Variants in GSDME observed in about 807,000 individuals in gnomAD.
GSDME encodes the protein gasdermin-E.
A neutral mutation model predicts 47.5 loss-of-function variants in GSDME; 44 were observed. The ratio of observed to expected loss-of-function variants is 0.93; its 90% CI spans 0.73 to 1.19. The LOEUF is 1.19. GSDME is among the 50% of genes most tolerant of loss of function. GSDME has a pLI of 0.00. For synonymous variants in GSDME, 258 were observed against 252.8 expected (o/e 1.02, Z -0.20); for missense variants, 663 against 604.2 (o/e 1.10, Z -1.02).
upstream of GSDME, among the ~76,000 whole-genome samples, chr7:24,762,462 T>G (rs887125036): frequency 2.6e-5 from 4 of 152,170 alleles, no homozygotes; most frequent in East Asian, 1.9e-4. Context: ...TTTTTTCATC[T>G]GATTATCGTT....
At chr7:24,717,029 G>A (rs1021121106) in intron 5 of GSDME, 2 of 570,522 alleles carry the variant, frequency 3.5e-6, no homozygotes, top group Admixed American at 5.9e-5. Context: ...CACCAATGTT[G>A]GAGGAGAGGG....
the GSDME span, among the ~76,000 whole-genome samples, chr7:24,793,062 A>C: frequency 6.6e-6 from 1 of 152,216 alleles, no homozygotes. Context: ...TAGACCAAAG[A>C]AAGCCAAACA....
At chr7:24,704,394 A>C (rs919601991) in intron 8 of GSDME, 12 of 152,214 alleles carry the variant, frequency 7.9e-5, no homozygotes, top group Admixed American at 2.0e-4. Flanking sequence ...GTGAGGACCT[A>C]CGAAGACCCC....
Position 24,706,014 on chromosome 7 carries a change from G to T in GSDME, c.1183+170C>A, listed in dbSNP as rs564225443. ...GAAAGGCACAGACTCGAGACCGAAG[G>T]GGGGTTTCCCATCAGCCTCCCACCT... On this transcript the variant is annotated intron_variant, in intron 8 of 9. Coordinates refer to ENST00000645220, the MANE Select transcript of GSDME (RefSeq NM_001127453.2). 45,349 of 803,322 alleles carry T rather than the reference G, an allele frequency of 0.056. 1,661 individuals carry two copies. The highest frequency in any genetic ancestry group is 0.12 in the African/African-American group (7,138 of 59,078). The allele number at this position is 803,322 out of a possible 1,614,324, so 49.8% of individuals were successfully genotyped here. A position where few individuals can be genotyped will look rare whatever the true frequency, so the allele number is the denominator to read the frequency against.
At chr7:24,777,948 A>G in the GSDME span, among the ~76,000 whole-genome samples, 1 of 152,092 alleles carries the variant, frequency 6.6e-6, no homozygotes, top group Non-Finnish European at 1.5e-5. Flanking sequence ...TATGTGATTT[A>G]AAAAAGAAAA....
chr7:24,783,155 A>G, the GSDME span, among the ~76,000 whole-genome samples: 3 of 152,196 alleles, frequency 2.0e-5, no homozygotes, highest in Non-Finnish European at 4.4e-5. Context: ...ACAGTGTCTT[A>G]ATATTTTTTA....
rs1789110204 is a variant in GSDME at position 24,706,448 on chromosome 7, C to T, written c.991-72G>A. On this transcript the variant is annotated intron_variant, in intron 7 of 9. Transcript: ENST00000645220. ...GCGCCACAGCTGGGGCCTCCGCTCA[C>T]AGTACACACAAGCCCCAGCCCTTCC... is the stretch of plus-strand genomic sequence containing the variant. 4.1e-6 allele frequency: 6 copies of T among 1,464,610 alleles called. No homozygotes were observed. In the South Asian group the frequency reaches 6.0e-5, roughly 15 times the overall value. The allele number at this position is 1,464,610 out of a possible 1,614,324, so 90.7% of individuals were successfully genotyped here. A position where few individuals can be genotyped will look rare whatever the true frequency, so the allele number is the denominator to read the frequency against.
rs1491331096 is a variant in GSDME at position 24,706,405 on chromosome 7, GAC to G, written c.991-31_991-30del. The stretch of plus-strand genomic sequence containing the variant: ...TAGGGCAGGGAAGAAGAAGGGTCAT[GAC>G]ACAGCTGGAGACCAAGCGCCACAGC... On this transcript the variant is annotated intron_variant, in intron 7 of 9. Transcript: ENST00000645220. 2.5e-6 allele frequency: 4 copies of G among 1,603,428 alleles called. No individual in the cohort carries two copies. The African/African-American group carries it at 5.4e-5, about 21-fold the overall frequency.
rs541101023 is a variant in GSDME, at chr7:24,712,615, G to A, written c.698-2227C>T. On this transcript the variant is annotated intron_variant, in intron 5 of 9. Transcript: ENST00000645220. The surrounding 1 kb of genome is among the most constrained non-coding windows in gnomAD (Gnocchi z 4.4). ...GATGAGTGTGGTAAGAGTGGGGACAGCGGTTGAACAGGGCTGAGGCCAGAG... is the reference window on the plus strand; with the variant it reads ...GATGAGTGTGGTAAGAGTGGGGACAACGGTTGAACAGGGCTGAGGCCAGAG... Among the ~76,000 whole-genome samples the A allele has an allele frequency of 3.9e-5, 6 of 152,354 alleles. No individual in the cohort carries two copies. In the South Asian group the frequency reaches 1.0e-3, roughly 26 times the overall value.
chr7:24,792,550 T>G, the GSDME span, among the ~76,000 whole-genome samples: 1 of 152,338 alleles, frequency 6.6e-6, no homozygotes, highest in South Asian at 2.1e-4. Context: ...GAAATTGACT[T>G]GGTTATGTTA....
At position 24,726,066 on chromosome 7, in the gene GSDME, C is replaced by T. The variant is rs1789956673; in HGVS notation, c.405-6848G>A. On this transcript the variant is annotated intron_variant, in intron 3 of 9. Transcript: ENST00000645220. This position sits in a 1 kb window ranked among gnomAD's most constrained non-coding sequence, Gnocchi z 5.6. ...GAGATGGAGGGAGGGAAGCGTGGCT[C>T]AGAGCCCAGCGTGGTTGCTGGGGAC... Among the ~76,000 whole-genome samples, 1 of 152,118 alleles carries T rather than the reference C, an allele frequency of 6.6e-6. No homozygotes were observed. Among genetic ancestry groups the T allele is most frequent in the Admixed American group, 6.5e-5 (1 of 15,286 alleles).
At chr7:24,781,082 G>A in the GSDME span, among the ~76,000 whole-genome samples, 13 of 152,148 alleles carry the variant, frequency 8.5e-5, no homozygotes, top group East Asian at 3.8e-4. Flanking sequence ...CATGAAAAGC[G>A]CATCTTTCTC....
At chr7:24,757,637 ACT>A (rs1791087464), upstream of GSDME, 2 of 151,814 alleles carry the variant, frequency 1.3e-5, no homozygotes, top group African/African-American at 4.8e-5. This position sits in a 1 kb window ranked among gnomAD's most constrained non-coding sequence, Gnocchi z 5.9. Flanking sequence ...CCTTCGTGTG[ACT>A]CTCTGGGAGC....
At chr7:24,707,612 T>C (rs990223020) in intron 7 of GSDME, 5 of 355,240 alleles carry the variant, frequency 1.4e-5, no homozygotes. Context: ...GAAATCAAAA[T>C]GAGATCATCC....
In GSDME at chr7:24,719,147, G is replaced by GT; in HGVS notation, c.475dup (p.Thr159AsnfsTer14). 1 of 1,613,916 alleles carries GT rather than the reference G, an allele frequency of 6.2e-7. No individual in the cohort carries two copies. The highest frequency in any genetic ancestry group is 1.1e-5 in the South Asian group (1 of 91,086). On this transcript the variant is annotated frameshift_variant, in exon 4 of 10. Coordinates refer to ENST00000645220, the MANE Select transcript of GSDME (RefSeq NM_001127453.2). LOFTEE classifies it high-confidence loss of function. ...CTTCTGCATCGTCGTGATCTTCTGT[G>GT]TCAAAACGCACAGGACCTCATTCCT...
At chr7:24,713,032 A>AG (rs1789417040) in intron 5 of GSDME, among the ~76,000 whole-genome samples, 1 of 151,520 alleles carries the variant, frequency 6.6e-6, no homozygotes, top group Non-Finnish European at 1.5e-5. Flanking sequence ...AAAAAAAAAA[A>AG]GGGAAAAGCA....
chr7:24,749,838 T>C, intron 1 of GSDME, 45 bp from the exon 2 acceptor site: 2 of 1,355,638 alleles, frequency 1.5e-6, no homozygotes, highest in Non-Finnish European at 2.1e-6. Context: ...AAGTTACTAT[T>C]TTGTGGCTTT....
In GSDME at chr7:24,710,258, A is replaced by C. The variant is rs777073461; in HGVS notation, c.828T>G (p.Ser276=). 3 of 1,614,180 alleles carry C rather than the reference A, an allele frequency of 1.9e-6. No individual in the cohort carries two copies. In the Admixed American group the frequency reaches 5.0e-5, roughly 27 times the overall value. ...AAACACTTAATGGTCCATCCTGGGAAGATATCCCATGCGCAGCATCTGGCA... is the reference window on the plus strand; with the variant it reads ...AAACACTTAATGGTCCATCCTGGGACGATATCCCATGCGCAGCATCTGGCA... The part of the protein sequence containing the change: ...IDMPDAAHGI[S]SQDGPLSVLK... The change falls in exon 6 of 10, where the codon TCT becomes TCG. Residue 276 remains serine, a synonymous_variant. Transcript: ENST00000645220.
chr7:24,717,568 C>A (rs113031854), intron 4 of GSDME, among the ~76,000 whole-genome samples, 194 bp from the exon 5 acceptor site: 1 of 152,186 alleles, frequency 6.6e-6, no homozygotes, highest in African/African-American at 2.4e-5. Context: ...CACAAATTCC[C>A]AAGTAAACGG....
Sources: allele counts gnomAD v4.1 joint callset (sites outside exome capture counted in the v4.1 genomes callset), GRCh38; gene constraint gnomAD v4.1.1; non-coding constraint Gnocchi (gnomAD v3.1); transcripts MANE v1.5; gene names NCBI Gene and HGNC (gene_info 2026-07-23, HGNC 2026-07-21).